Variants in TRAK1 observed in about 807,000 individuals in gnomAD.
The protein encoded by TRAK1 is trafficking kinesin-binding protein 1.
A neutral mutation model predicts 92.1 loss-of-function variants in TRAK1; 33 were observed. The observed-to-expected ratio is 0.36, with a 90% confidence interval of 0.27 to 0.48. The LOEUF is 0.48. Ranked by LOEUF, TRAK1 falls within the 20% of genes least tolerant of loss-of-function variation. The pLI is 0.99. For missense variants in TRAK1, 1,123 were observed against 1,257.9 expected (o/e 0.89, Z 1.62); for synonymous variants, 521 against 517.3 (o/e 1.01, Z -0.10).
At chr3:42,161,050 G>T (rs188725441) in intron 2 of TRAK1, among the ~76,000 whole-genome samples, 1 of 152,298 alleles carries the variant, frequency 6.6e-6, no homozygotes, top group South Asian at 2.1e-4. Flanking sequence ...CTGAAATAAA[G>T]ATTTTTTAAA....
chr3:42,171,998 G>A (rs556566608), intron 2 of TRAK1, among the ~76,000 whole-genome samples: 2 of 152,244 alleles, frequency 1.3e-5, no homozygotes, highest in East Asian at 3.9e-4. Flanking sequence ...AGCTGTGACA[G>A]CCCAGTCATA....
At chr3:42,189,214 C>G (rs1335346002) in intron 6 of TRAK1, 90 bp downstream of exon 6, 1 of 949,116 alleles carries the variant, frequency 1.1e-6, no homozygotes, top group Admixed American at 2.0e-5. Context: ...TAAGTGCCCT[C>G]CTCAAAGCTG....
intron 1 of TRAK1, among the ~76,000 whole-genome samples, chr3:42,046,428 A>AT (rs1365612398): frequency 1.3e-5 from 2 of 151,904 alleles, no homozygotes; most frequent in Non-Finnish European, 2.9e-5. Flanking sequence ...AAGGTTGGGA[A>AT]TAGGGGCCAC....
chr3:42,072,420 C>A (rs1380400111), intron 1 of TRAK1, among the ~76,000 whole-genome samples: 1 of 151,552 alleles, frequency 6.6e-6, no homozygotes, highest in Non-Finnish European at 1.5e-5. Flanking sequence ...GCCAGCTGTA[C>A]GCAGGCTCTG....
At chr3:42,124,470 G>A (rs1229007476) in intron 1 of TRAK1, among the ~76,000 whole-genome samples, 1 of 152,212 alleles carries the variant, frequency 6.6e-6, no homozygotes, top group Admixed American at 6.5e-5. Flanking sequence ...TAGAGAAGTA[G>A]GGTACATATC....
rs1247235414 is a variant in TRAK1, at chr3:42,224,045, T to G, written c.*308T>G. 1 of 542,662 alleles carries G rather than the reference T, an allele frequency of 1.8e-6. No homozygotes were observed. The highest frequency in any genetic ancestry group is 2.2e-5 in the Admixed American group (1 of 44,762). 33.6% of individuals were successfully genotyped at this position (542,662 alleles called of 1,614,324 possible). On this transcript the variant is annotated 3_prime_UTR_variant, in exon 16 of 16. Transcript: ENST00000327628. ...ACCTGGGGGAAGGTGGGGTCCTTTC[T>G]TCTTTCCTTTTGAGAAGCACTGAAA...
intron 1 of TRAK1, among the ~76,000 whole-genome samples, chr3:42,123,086 T>G (rs1710100050): frequency 6.6e-6 from 1 of 152,144 alleles, no homozygotes; most frequent in Non-Finnish European, 1.5e-5. Flanking sequence ...GGGAGAGCAG[T>G]TAGTACGGAA....
chr3:42,158,271 C>T (rs932538126), intron 2 of TRAK1, among the ~76,000 whole-genome samples: 1 of 152,166 alleles, frequency 6.6e-6, no homozygotes, highest in Admixed American at 6.5e-5. Flanking sequence ...CTTTTGTTTT[C>T]CTTTATATAC....
chr3:42,091,715 TAGGC>T (rs894787271), intron 1 of TRAK1, among the ~76,000 whole-genome samples, 155 bp downstream of exon 1: 79 of 152,090 alleles, frequency 5.2e-4, no homozygotes, highest in African/African-American at 1.7e-3. Flanking sequence ...TGTTGAATGA[TAGGC>T]AGAGCAAAGG....
intron 1 of TRAK1, among the ~76,000 whole-genome samples, chr3:42,058,779 A>G (rs1703305545): frequency 6.6e-6 from 1 of 152,200 alleles, no homozygotes; most frequent in African/African-American, 2.4e-5. Context: ...CCCCACACAC[A>G]ACAGATCGTA....
At chr3:42,180,720 T>C (rs990262176) in intron 3 of TRAK1, among the ~76,000 whole-genome samples, 1 of 147,004 alleles carries the variant, frequency 6.8e-6, no homozygotes, top group Non-Finnish European at 1.5e-5. Flanking sequence ...AGGTGGAGGG[T>C]GGAGAAAGAA....
At chr3:42,196,971 C>CTCTT (rs1706759831) in intron 10 of TRAK1, among the ~76,000 whole-genome samples, 1 of 128,538 alleles carries the variant, frequency 7.8e-6, no homozygotes, top group Non-Finnish European at 1.7e-5. Context: ...CTCTCTCTCT[C>CTCTT]TCTCTTTCTC....
At chr3:42,082,603 A>C (rs544337394), upstream of TRAK1, among the ~76,000 whole-genome samples, 10 of 145,836 alleles carry the variant, frequency 6.9e-5, no homozygotes, top group Non-Finnish European at 7.4e-5. Context: ...CTCAAAAAAC[A>C]AACAAACAAA....
At position 42,065,781 on chromosome 3, in the gene TRAK1, C is replaced by A. The variant is rs150363643; in HGVS notation, c.-518-21323C>A. 4.6e-4 allele frequency among the ~76,000 whole-genome samples: 70 copies of A among 152,082 alleles called. No homozygotes were observed. In the East Asian group the frequency reaches 9.9e-3, roughly 22 times the overall value. ...AGTATCTGGGACTATAGGCGTGTACCACCACACCTGTCTCATTCTTAATTT... is the reference window on the plus strand; with the variant it reads ...AGTATCTGGGACTATAGGCGTGTACAACCACACCTGTCTCATTCTTAATTT... On this transcript the variant is annotated intron_variant, in intron 1 of 16. Coordinates refer to the TRAK1 transcript ENST00000487159.
upstream of TRAK1, among the ~76,000 whole-genome samples, chr3:42,085,322 G>A (rs1207632711): frequency 2.0e-5 from 3 of 152,022 alleles, no homozygotes; most frequent in South Asian, 2.1e-4. Context: ...CATGCGCCAC[G>A]ATGCCCAGCT....
intron 10 of TRAK1, among the ~76,000 whole-genome samples, chr3:42,197,002 TCACACACA>T (rs773977076): frequency 1.1e-3 from 109 of 103,594 alleles, no homozygotes; most frequent in African/African-American, 7.1e-4. Context: ...TCTCTCTCTC[TCACACACA>T]CACACACACA....
At chr3:42,195,027 G>C in intron 10 of TRAK1, 86 bp downstream of exon 10, 1 of 1,525,938 alleles carries the variant, frequency 6.6e-7, no homozygotes, top group Non-Finnish European at 8.9e-7. Context: ...CACTGGAGTT[G>C]GGTGTTCACA....
intron 2 of TRAK1, chr3:42,149,341 C>A: frequency 7.0e-7 from 1 of 1,435,068 alleles, no homozygotes; most frequent in Non-Finnish European, 9.1e-7. Context: ...CTCCTTCCCC[C>A]ATAGAATTTT....
chr3:42,148,860 G>A (rs73068260), intron 2 of TRAK1, among the ~76,000 whole-genome samples: 1,925 of 152,262 alleles, frequency 0.013, 28 homozygotes, highest in Middle Eastern at 0.048. Flanking sequence ...GAAACCAAAA[G>A]TAATGATTTG....
Sources: gnomAD v4.1 joint callset for allele counts (sites outside exome capture counted in the v4.1 genomes callset) on GRCh38, gnomAD v4.1.1 for gene constraint, MANE v1.5 for transcripts, NCBI Gene and HGNC (gene_info 2026-07-23, HGNC 2026-07-21) for gene names.